ADGRL2: variants seen among roughly 807,000 people sequenced by gnomAD.
ADGRL2 encodes calcium-independent alpha-latrotoxin receptor 2.
A neutral mutation model predicts 157.4 loss-of-function variants in ADGRL2; 44 were observed. The ratio of observed to expected loss-of-function variants is 0.28; its 90% CI spans 0.22 to 0.36. The LOEUF is 0.36. Among genes scored for constraint, ADGRL2 ranks in the 10% least tolerant of loss-of-function variants. ADGRL2 has a pLI of 1.00. For missense variants in ADGRL2, 1,510 were observed against 1,768.9 expected (o/e 0.85, Z 2.63); for synonymous variants, 585 against 624.7 (o/e 0.94, Z 0.95).
At chr1:81,556,312 ATT>A (rs145670261) in intron 2 of ADGRL2, among the ~76,000 whole-genome samples, 15 of 87,126 alleles carry the variant, frequency 1.7e-4, no homozygotes, top group African/African-American at 6.1e-4. Context: ...GGCTGTCACA[ATT>A]TTTTTTTTTT....
chr1:81,618,963 G>T (rs1054630824), intron 3 of ADGRL2, among the ~76,000 whole-genome samples: 1 of 151,938 alleles, frequency 6.6e-6, no homozygotes, highest in Non-Finnish European at 1.5e-5. Flanking sequence ...TCCACTCAGA[G>T]ATTATCTCTT....
intron 1 of ADGRL2, among the ~76,000 whole-genome samples, chr1:81,315,728 T>A (rs1423378804): frequency 6.6e-6 from 1 of 151,836 alleles, no homozygotes; most frequent in Admixed American, 6.6e-5. Flanking sequence ...AGTATTAGAA[T>A]AGATAAGTTC....
intron 1 of ADGRL2, among the ~76,000 whole-genome samples, chr1:81,387,169 G>A (rs2076453030): frequency 6.6e-6 from 1 of 152,148 alleles, no homozygotes; most frequent in Admixed American, 6.6e-5. Context: ...GCCAGTCAGG[G>A]AATGTTATGT....
upstream of ADGRL2, among the ~76,000 whole-genome samples, chr1:81,696,278 G>A (rs1375476601): frequency 6.6e-6 from 1 of 151,892 alleles, no homozygotes; most frequent in Non-Finnish European, 1.5e-5. Flanking sequence ...GCTTTTTACA[G>A]AACAAGTCAT....
intron 3 of ADGRL2, among the ~76,000 whole-genome samples, chr1:81,691,876 G>GTATATATATATATATATA (rs1164948316): frequency 2.4e-5 from 2 of 82,260 alleles, no homozygotes; most frequent in African/African-American, 4.9e-5. Flanking sequence ...GGGTGTGTGT[G>GTATATATATATATATATA]TGTGTATATA....
intron 1 of ADGRL2, among the ~76,000 whole-genome samples, chr1:81,320,548 G>C (rs1408607186): frequency 6.6e-6 from 1 of 152,206 alleles, no homozygotes; most frequent in East Asian, 1.9e-4. Flanking sequence ...GCTGAAGAAT[G>C]GATGTTGTGT....
At chr1:81,654,779 G>C (rs2082494823) in intron 3 of ADGRL2, among the ~76,000 whole-genome samples, 1 of 152,124 alleles carries the variant, frequency 6.6e-6, no homozygotes, top group Non-Finnish European at 1.5e-5. Flanking sequence ...GAAGTAGATG[G>C]CTGAATTTCA....
chr1:81,666,358 T>C (rs1407703937), intron 3 of ADGRL2, among the ~76,000 whole-genome samples: 2 of 152,172 alleles, frequency 1.3e-5, no homozygotes, highest in African/African-American at 4.8e-5. Context: ...CTCACTCCTG[T>C]TGAAAATAAA....
chr1:81,352,512 G>A (rs1662971643), intron 1 of ADGRL2, among the ~76,000 whole-genome samples: 1 of 152,092 alleles, frequency 6.6e-6, no homozygotes, highest in Non-Finnish European at 1.5e-5. Context: ...GGGTTCTGGA[G>A]GATACTAGTT....
At chr1:81,618,704 G>C (rs1302819632) in intron 3 of ADGRL2, among the ~76,000 whole-genome samples, 2 of 152,106 alleles carry the variant, frequency 1.3e-5, no homozygotes, top group Admixed American at 1.3e-4. Flanking sequence ...ACAAAGACAA[G>C]GTGTTCTGTT....
intron 1 of ADGRL2, among the ~76,000 whole-genome samples, chr1:81,328,137 A>T (rs1198231725): frequency 1.3e-5 from 2 of 152,154 alleles, no homozygotes; most frequent in African/African-American, 2.4e-5. Context: ...GATACCACAA[A>T]TTTCAAACCT....
chr1:81,884,050 G>A (rs1334878591), intron 2 of ADGRL2, among the ~76,000 whole-genome samples: 1 of 151,428 alleles, frequency 6.6e-6, no homozygotes, highest in Non-Finnish European at 1.5e-5. Context: ...AGAGTGCAGT[G>A]GTTTGGTTCC....
intron 11 of ADGRL2, among the ~76,000 whole-genome samples, chr1:81,965,335 A>C (rs946215073): frequency 6.6e-6 from 1 of 152,244 alleles, no homozygotes; most frequent in Non-Finnish European, 1.5e-5. Flanking sequence ...TTGTGTTCCA[A>C]TAAAACTTTA....
intron 1 of ADGRL2, among the ~76,000 whole-genome samples, chr1:81,319,714 CA>C (rs1349091009): frequency 1.3e-5 from 2 of 152,090 alleles, no homozygotes; most frequent in Non-Finnish European, 2.9e-5. Flanking sequence ...TAGAACAAGG[CA>C]ATAATCGTAG....
At chr1:81,364,909 A>G (rs2076039381) in intron 1 of ADGRL2, among the ~76,000 whole-genome samples, 1 of 151,978 alleles carries the variant, frequency 6.6e-6, no homozygotes, top group African/African-American at 2.4e-5. Context: ...AATGATCCAC[A>G]CACCTAGGCC....
At chr1:81,517,542 C>T (rs1488014495) in intron 2 of ADGRL2, among the ~76,000 whole-genome samples, 1 of 151,100 alleles carries the variant, frequency 6.6e-6, no homozygotes, top group Non-Finnish European at 1.5e-5. Flanking sequence ...TCTCAGCTAC[C>T]AACATATGGC....
chr1:81,465,974 A>C (rs186961080), intron 2 of ADGRL2, among the ~76,000 whole-genome samples: 19 of 152,376 alleles, frequency 1.2e-4, no homozygotes, highest in African/African-American at 4.6e-4. Context: ...AAAAGTGAGG[A>C]AAGACCAAGT....
intron 10 of ADGRL2, among the ~76,000 whole-genome samples, chr1:81,954,567 T>G (rs1481190926): frequency 6.6e-6 from 1 of 152,208 alleles, no homozygotes; most frequent in Non-Finnish European, 1.5e-5. Context: ...CAGTCTGTAT[T>G]TCTTGGTGAC....
chr1:81,380,447 A>G (rs1268565778), intron 1 of ADGRL2, among the ~76,000 whole-genome samples: 1 of 152,304 alleles, frequency 6.6e-6, no homozygotes, highest in Non-Finnish European at 1.5e-5. Context: ...CTTCTAAACA[A>G]AGATCTAGCT....
Sources: gnomAD v4.1 joint callset for allele counts (sites outside exome capture counted in the v4.1 genomes callset) on GRCh38, gnomAD v4.1.1 for gene constraint, MANE v1.5 for transcripts, NCBI Gene and HGNC (gene_info 2026-07-23, HGNC 2026-07-21) for gene names.